The following ZNF215 variants were observed in gnomAD, a reference collection of about 807,000 sequenced individuals.
ZNF215 encodes the protein BWSCR2-associated zinc finger protein 2.
In ZNF215, 24 loss-of-function variants were observed where a neutral mutation model predicts 27.2. The observed-to-expected ratio is 0.88, with a 90% CI of 0.64 to 1.24. The LOEUF is 1.24. ZNF215 is among the 50% of genes most tolerant of loss of function. The pLI is 0.00. For missense variants in ZNF215, 675 were observed against 605.7 expected (o/e 1.11, Z -1.20); for synonymous variants, 210 against 204.0 (o/e 1.03, Z -0.25).
In ZNF215 at chr11:6,977,598, G is replaced by T. The variant is rs1850858728; in HGVS notation, c.806-6531G>T. Among the ~76,000 whole-genome samples the T allele has an allele frequency of 2.0e-5, 3 of 151,898 alleles. No individual in the cohort carries two copies. The South Asian group carries it at 6.2e-4, about 32-fold the overall frequency. ...GTATCCTTGTAAGAAGAGGAGATTT[G>T]GACCCACAGAGAGACCTAGGTATGC... is the stretch of plus-strand genomic sequence containing the variant. On this transcript the variant is annotated intron_variant, in intron 5 of 5. Coordinates refer to the ZNF215 transcript ENST00000529903.
intron 6 of ZNF215, among the ~76,000 whole-genome samples, chr11:6,950,964 G>C (rs1211258347): frequency 1.3e-4 from 20 of 151,990 alleles, no homozygotes; most frequent in Non-Finnish European, 2.6e-4. Flanking sequence ...TTTTGTCCAA[G>C]GCCTTTTCTG....
intron 6 of ZNF215, among the ~76,000 whole-genome samples, chr11:6,947,653 C>T (rs534328610): frequency 6.6e-6 from 1 of 152,244 alleles, no homozygotes; most frequent in Admixed American, 6.5e-5. Flanking sequence ...GGAAATTCTG[C>T]TATTACATAA....
At chr11:6,987,744 TA>T (rs1232737335), downstream of ZNF215, among the ~76,000 whole-genome samples, 4 of 152,286 alleles carry the variant, frequency 2.6e-5, no homozygotes, top group African/African-American at 9.6e-5. Context: ...ACATCCATTG[TA>T]GTCTCTAGTA....
chr11:6,934,452 T>C (rs985432456), intron 3 of ZNF215, among the ~76,000 whole-genome samples: 1 of 152,172 alleles, frequency 6.6e-6, no homozygotes, highest in African/African-American at 2.4e-5. Context: ...GAATATATTA[T>C]TCTACAAGCC....
downstream of ZNF215, among the ~76,000 whole-genome samples, chr11:6,960,685 G>A (rs527289423): frequency 1.2e-4 from 19 of 152,024 alleles, no homozygotes; most frequent in Admixed American, 3.3e-4. Context: ...GCCCTGGATC[G>A]ATACCCTGAT....
intron 5 of ZNF215, among the ~76,000 whole-genome samples, chr11:6,981,612 A>C (rs1016513677): frequency 2.6e-5 from 4 of 151,922 alleles, no homozygotes; most frequent in African/African-American, 7.2e-5. Flanking sequence ...TCTTTAGTTT[A>C]ATTAGATCCC....
At chr11:6,964,684 C>CTTTTTT (rs71056773) in intron 5 of ZNF215, among the ~76,000 whole-genome samples, 2 of 142,186 alleles carry the variant, frequency 1.4e-5, no homozygotes, top group Non-Finnish European at 3.1e-5. Context: ...CTTCTTAGGT[C>CTTTTTT]TTTTTTTTTT....
chr11:6,964,218 G>A (rs1458202479), intron 5 of ZNF215, among the ~76,000 whole-genome samples: 2 of 151,896 alleles, frequency 1.3e-5, no homozygotes, highest in African/African-American at 4.8e-5. Flanking sequence ...TGTATTTTGT[G>A]TAAATATTTT....
intron 6 of ZNF215, among the ~76,000 whole-genome samples, chr11:6,947,379 T>C (rs2638102): frequency 0.2 from 30,736 of 151,968 alleles, 3,221 homozygotes; most frequent in Middle Eastern, 0.23. Flanking sequence ...CTGGGCACCA[T>C]GGCAAGACTC....
intron 6 of ZNF215, among the ~76,000 whole-genome samples, chr11:6,951,231 G>A (rs1850044450): frequency 6.6e-6 from 1 of 152,090 alleles, no homozygotes; most frequent in African/African-American, 2.4e-5. Context: ...TTGGTATCAG[G>A]ATGATGCTGG....
At chr11:6,954,564 C>T (rs532580879) in intron 6 of ZNF215, among the ~76,000 whole-genome samples, 23 of 152,308 alleles carry the variant, frequency 1.5e-4, no homozygotes, top group South Asian at 4.1e-4. Context: ...TCTCCTGGTG[C>T]GCCATTTTTT....
intron 6 of ZNF215, among the ~76,000 whole-genome samples, chr11:6,953,301 G>T (rs1264120542): frequency 2.6e-5 from 4 of 152,186 alleles, no homozygotes; most frequent in African/African-American, 9.7e-5. Context: ...GATTGGGAAA[G>T]TTCTCCTGGA....
Position 6,956,278 on chromosome 11 carries a change from C to T in ZNF215, c.1301C>T (p.Ala434Val). ...KHQKLHAEAKACTSNKCGKAF... is the reference protein window; with the variant it reads ...KHQKLHAEAKVCTSNKCGKAF... ...CAAAAACTTCATGCTGAAGCAAAGGCCTGCACAAGCAATAAATGTGGAAAG... is the reference window on the plus strand; with the variant it reads ...CAAAAACTTCATGCTGAAGCAAAGGTCTGCACAAGCAATAAATGTGGAAAG... Residue 434 changes from alanine to valine, a missense_variant, in exon 7 of 7, where the codon GCC (alanine) becomes GTC (valine). Transcript: ENST00000278319. The T allele has an allele frequency of 6.2e-7, 1 of 1,614,090 alleles. No homozygotes were observed. Among genetic ancestry groups the T allele is most frequent in the Non-Finnish European group, 8.5e-7 (1 of 1,180,008 alleles).
chr11:6,974,131 G>A (rs1850780836), intron 5 of ZNF215, among the ~76,000 whole-genome samples: 1 of 152,038 alleles, frequency 6.6e-6, no homozygotes. Flanking sequence ...AGTTTTCCCA[G>A]CACCATTTCT....
intron 3 of ZNF215, among the ~76,000 whole-genome samples, chr11:6,935,313 C>T (rs1849394603): frequency 6.6e-6 from 1 of 152,182 alleles, no homozygotes; most frequent in South Asian, 2.1e-4. Flanking sequence ...TGAAGAATAA[C>T]ATAGAGTTAA....
downstream of ZNF215, among the ~76,000 whole-genome samples, chr11:6,962,297 T>G (rs1032951307): frequency 2.6e-5 from 4 of 152,092 alleles, no homozygotes; most frequent in Non-Finnish European, 4.4e-5. Context: ...AAATCAACCC[T>G]CTTATCTCCT....
At chr11:6,931,250 A>G (rs1198584619) in intron 2 of ZNF215, among the ~76,000 whole-genome samples, 2 of 152,232 alleles carry the variant, frequency 1.3e-5, no homozygotes, top group African/African-American at 4.8e-5. Context: ...AGGCTCTTTG[A>G]GACAACCCAT....
chr11:6,981,913 A>G (rs1173586937), intron 5 of ZNF215, among the ~76,000 whole-genome samples: 1 of 152,096 alleles, frequency 6.6e-6, no homozygotes, highest in Non-Finnish European at 1.5e-5. Flanking sequence ...AAGATCAGAT[A>G]GTTGTAGATA....
chr11:6,974,088 G>A (rs1850779672), intron 5 of ZNF215, among the ~76,000 whole-genome samples: 1 of 152,094 alleles, frequency 6.6e-6, no homozygotes, highest in Non-Finnish European at 1.5e-5. Flanking sequence ...GTAAGGAAGG[G>A]ATCCAGTTTC....
Sources: gnomAD v4.1 joint callset for allele counts (sites outside exome capture counted in the v4.1 genomes callset) on GRCh38, gnomAD v4.1.1 for gene constraint, MANE v1.5 for transcripts, NCBI Gene and HGNC (gene_info 2026-07-23, HGNC 2026-07-21) for gene names.